CCM2: variants seen among roughly 807,000 people sequenced by gnomAD.
CCM2 encodes CCM2 scaffold protein, also known as cerebral cavernous malformations 2 protein.
A neutral mutation model predicts 44.9 loss-of-function variants in CCM2; 25 were observed. That is an observed-to-expected ratio of 0.56 (90% CI 0.41 to 0.78). The LOEUF is 0.78. Among genes scored for constraint, CCM2 ranks in the 30% least tolerant of loss-of-function variants. The pLI is 0.00. For synonymous variants in CCM2, 219 were observed against 241.1 expected (o/e 0.91, Z 0.85); for missense variants, 481 against 580.6 (o/e 0.83, Z 1.76).
chr7:45,036,739 G>C (rs189057248), intron 1 of CCM2, among the ~76,000 whole-genome samples: 2 of 152,152 alleles, frequency 1.3e-5, no homozygotes, highest in African/African-American at 4.8e-5. Context: ...TTGCATATGG[G>C]TGAATTTCCC....
intron 1 of CCM2, among the ~76,000 whole-genome samples, chr7:45,019,736 TCTGG>T (rs1796408509): frequency 6.6e-6 from 1 of 152,192 alleles, no homozygotes; most frequent in East Asian, 1.9e-4. Flanking sequence ...GCATGCACTA[TCTGG>T]CTAATTTTTA....
At chr7:45,059,797 A>G (rs1434889369) in intron 2 of CCM2, among the ~76,000 whole-genome samples, 4 of 152,214 alleles carry the variant, frequency 2.6e-5, no homozygotes, top group Admixed American at 6.5e-5. Flanking sequence ...AGGGTTTGCA[A>G]TATACATTCA....
intron 1 of CCM2, chr7:45,027,621 G>C (rs1796748243): frequency 6.2e-7 from 1 of 1,612,292 alleles, no homozygotes. Context: ...TGTGGTTTCT[G>C]GTCTTCCTGT....
intron 1 of CCM2, among the ~76,000 whole-genome samples, chr7:45,015,709 A>T (rs1007304707): frequency 8.5e-5 from 13 of 152,160 alleles, no homozygotes; most frequent in Non-Finnish European, 1.6e-4. Context: ...GTGGCCCAGG[A>T]CGTCCTGGTT....
chr7:45,043,329 G>C (rs1797601093), intron 2 of CCM2, among the ~76,000 whole-genome samples: 2 of 152,248 alleles, frequency 1.3e-5, no homozygotes, highest in Admixed American at 6.5e-5. Context: ...ACAAAAAACA[G>C]TGCAAAATTA....
chr7:45,004,351 A>G (rs927991677), intron 1 of CCM2, among the ~76,000 whole-genome samples: 9 of 152,194 alleles, frequency 5.9e-5, no homozygotes, highest in African/African-American at 1.7e-4. Flanking sequence ...TTTACTCAAA[A>G]TAGAAGAAAC....
rs778186836 is a variant in CCM2, at chr7:45,043,664, C to T, written c.204+5238C>T. 2.9e-5 allele frequency: 11 copies of T among 373,516 alleles called. 1 individual carries two copies. Among genetic ancestry groups the T allele is most frequent in the South Asian group, 2.2e-4 (11 of 50,858 alleles). The allele number at this position is 373,516 out of a possible 1,614,324, so 23.1% of individuals were successfully genotyped here. A position where few individuals can be genotyped will look rare whatever the true frequency, so the allele number is the denominator to read the frequency against. On this transcript the variant is annotated intron_variant, in intron 2 of 9. Coordinates refer to ENST00000258781, the MANE Select transcript of CCM2 (RefSeq NM_031443.4). ...AAAATTGTGGAGAAATTTTAATTAA[C>T]ATTTCTTCAAATATTTAACTTTATT...
chr7:45,008,801 C>T (rs969756042), intron 1 of CCM2, among the ~76,000 whole-genome samples: 2 of 152,136 alleles, frequency 1.3e-5, no homozygotes, highest in African/African-American at 4.8e-5. Context: ...AGATACATCA[C>T]CTTTACATAG....
intron 2 of CCM2, among the ~76,000 whole-genome samples, chr7:45,056,343 G>A (rs1562899222): frequency 6.6e-6 from 1 of 152,128 alleles, no homozygotes; most frequent in Non-Finnish European, 1.5e-5. Flanking sequence ...GCCAACAATT[G>A]TAATTTTCCC....
rs759309544 is a variant in CCM2 at position 45,075,798 on chromosome 7, A to G, written c.1076A>G (p.Glu359Gly). The G allele has an allele frequency of 6.2e-7, 1 of 1,613,698 alleles. No individual in the cohort carries two copies. Among genetic ancestry groups the G allele is most frequent in the Non-Finnish European group, 8.5e-7 (1 of 1,180,012 alleles). Residue 359 changes from glutamate to glycine, a missense_variant, in exon 10 of 10, where the codon GAG (glutamate) becomes GGG (glycine). Physicochemically the swap from Glu to Gly is moderately conservative, Grantham distance 98. Transcript: ENST00000258781. ...LLLGLRPFIP[E>G]KDSQHFENFL... is the part of the protein sequence containing the mutation. Reference sequence around the variant, plus strand: ...GCAGGTCTGAGGCCCTTCATCCCTGAGAAGGACAGCCAGCACTTCGAGAAC... The same window carrying G: ...GCAGGTCTGAGGCCCTTCATCCCTGGGAAGGACAGCCAGCACTTCGAGAAC...
chr7:45,005,702 C>T (rs1244105605), intron 1 of CCM2, among the ~76,000 whole-genome samples: 4 of 152,222 alleles, frequency 2.6e-5, no homozygotes, highest in Admixed American at 1.3e-4. Context: ...GCTTAGCCCA[C>T]TGAGAAGAGG....
At chr7:45,021,901 A>G (rs1219854268) in intron 1 of CCM2, among the ~76,000 whole-genome samples, 4 of 152,364 alleles carry the variant, frequency 2.6e-5, no homozygotes, top group South Asian at 2.1e-4. Context: ...GAAATCAACC[A>G]TGTAGGTAGC....
At chr7:45,001,032 A>G (rs1365562978) in intron 1 of CCM2, among the ~76,000 whole-genome samples, 2 of 152,246 alleles carry the variant, frequency 1.3e-5, no homozygotes, top group African/African-American at 4.8e-5. Flanking sequence ...AATAAAATGT[A>G]TCTTTTTCAA....
chr7:45,014,495 A>T (rs950960023), intron 1 of CCM2, among the ~76,000 whole-genome samples: 2 of 151,874 alleles, frequency 1.3e-5, no homozygotes, highest in African/African-American at 4.8e-5. Context: ...TTACTATCTT[A>T]ACCTTTTAAT....
intron 1 of CCM2, among the ~76,000 whole-genome samples, chr7:45,029,950 A>G (rs1796881957): frequency 6.6e-6 from 1 of 152,236 alleles, no homozygotes; most frequent in Admixed American, 6.5e-5. Context: ...TTCCAGAGTG[A>G]GTTTAGAAAG....
At chr7:45,053,550 A>G (rs975039122) in intron 2 of CCM2, among the ~76,000 whole-genome samples, 6 of 152,060 alleles carry the variant, frequency 3.9e-5, no homozygotes, top group African/African-American at 1.2e-4. Flanking sequence ...TCCCCTGGCT[A>G]CTATTTTGAC....
At chr7:45,036,331 G>A (rs1797217036) in intron 1 of CCM2, among the ~76,000 whole-genome samples, 2 of 152,218 alleles carry the variant, frequency 1.3e-5, no homozygotes, top group African/African-American at 2.4e-5. Context: ...ATGAAAGGGT[G>A]AAATAAATAA....
chr7:45,002,206 G>A (rs1795665381), intron 1 of CCM2, among the ~76,000 whole-genome samples: 1 of 152,246 alleles, frequency 6.6e-6, no homozygotes, highest in South Asian at 2.1e-4. Context: ...GACATAAGTA[G>A]CAGAAGTGCT....
At chr7:45,051,906 T>G (rs941968685) in intron 2 of CCM2, among the ~76,000 whole-genome samples, 5 of 152,112 alleles carry the variant, frequency 3.3e-5, no homozygotes, top group African/African-American at 4.8e-5. Flanking sequence ...GGGGTTTCAC[T>G]GTGTTAGCCA....
Sources: gnomAD v4.1 joint callset for allele counts (sites outside exome capture counted in the v4.1 genomes callset) on GRCh38, gnomAD v4.1.1 for gene constraint, MANE v1.5 for transcripts, NCBI Gene and HGNC (gene_info 2026-07-23, HGNC 2026-07-21) for gene names.